The following C12orf76 variants were observed in gnomAD, a reference collection of about 807,000 sequenced individuals.
The protein encoded by C12orf76 is chromosome 12 open reading frame 76.
C12orf76 carries 6 observed loss-of-function variants against 6.8 expected under a neutral mutation model. The observed-to-expected ratio is 0.88, with a 90% confidence interval of 0.48 to 1.73. C12orf76 has a LOEUF of 1.73. Among genes scored for constraint, C12orf76 ranks in the 40% most tolerant of loss-of-function variants. C12orf76 has a pLI of 0.01. For missense variants in C12orf76, 99 were observed against 98.2 expected, an observed-to-expected ratio of 1.01 and a Z score of -0.03; for synonymous variants, 56 against 43.7, an observed-to-expected ratio of 1.28 and a Z score of -1.11.
chr12:110,051,248 C>G (rs1180987380), upstream of C12orf76: 1 of 753,740 alleles, frequency 1.3e-6, no homozygotes, highest in South Asian at 1.4e-5. Flanking sequence ...ACTTCCGTTC[C>G]AATCCTAGCT....
At chr12:110,046,908 C>T (rs1018246980) in intron 1 of C12orf76, among the ~76,000 whole-genome samples, 2 of 152,112 alleles carry the variant, frequency 1.3e-5, no homozygotes, top group East Asian at 1.9e-4. Context: ...TCATAGCCCC[C>T]CCACTGCCCC....
At chr12:110,058,153 T>C (rs1892705821) in intron 3 of C12orf76, among the ~76,000 whole-genome samples, 2 of 150,774 alleles carry the variant, frequency 1.3e-5, no homozygotes, top group African/African-American at 2.4e-5. Flanking sequence ...CTTCTAGATA[T>C]CTCTTTATGT....
chr12:110,051,980 C>CTT (rs1321771453), upstream of C12orf76, among the ~76,000 whole-genome samples: 4 of 146,382 alleles, frequency 2.7e-5, no homozygotes, highest in African/African-American at 1.0e-4. Context: ...GCAAGCTCCG[C>CTT]CTCCTAGGTT....
chr12:110,059,841 G>A (rs974416701), intron 2 of C12orf76, among the ~76,000 whole-genome samples: 1 of 152,096 alleles, frequency 6.6e-6, no homozygotes, highest in Non-Finnish European at 1.5e-5. Context: ...TTTGAAGAGG[G>A]ACACAAGGCA....
intron 4 of C12orf76, chr12:110,057,158 C>A (rs368875688): frequency 6.8e-7 from 1 of 1,467,500 alleles, no homozygotes; most frequent in African/African-American, 1.4e-5. Context: ...AATCCACATG[C>A]TCTGAATATA....
chr12:110,042,140 CA>C lies in C12orf76; in HGVS notation c.*233del, dbSNP rs973520889. ...TGGAGCTTTCAGGTCTTACTTTTAACAAGTACAGTCAGAAACACTGAGAAGC... is the reference window on the plus strand; with the variant it reads ...TGGAGCTTTCAGGTCTTACTTTTAACAGTACAGTCAGAAACACTGAGAAGC... On this transcript the variant is annotated 3_prime_UTR_variant, in exon 2 of 2. Coordinates refer to ENST00000615315, the MANE Select transcript of C12orf76 (RefSeq NM_001389625.1). The C allele has an allele frequency of 7.2e-6, 4 of 558,962 alleles. No individual in the cohort carries two copies. In the Admixed American group the frequency reaches 9.1e-5, roughly 13 times the overall value. The allele number at this position is 558,962 out of a possible 1,614,324, so 34.6% of individuals were successfully genotyped here.
At chr12:110,061,224 TG>T (rs1347233397) in intron 2 of C12orf76, among the ~76,000 whole-genome samples, 1 of 152,044 alleles carries the variant, frequency 6.6e-6, no homozygotes, top group African/African-American at 2.4e-5. Flanking sequence ...CACCCCAAAT[TG>T]GCTCTTTCTC....
At chr12:110,063,429 C>G (rs937763594) in intron 2 of C12orf76, among the ~76,000 whole-genome samples, 21 of 149,648 alleles carry the variant, frequency 1.4e-4, no homozygotes, top group Non-Finnish European at 2.7e-4. Flanking sequence ...ATTACAGGTG[C>G]CTACCACTAC....
At chr12:110,049,020 T>C (rs1049165534), upstream of C12orf76, 1 of 152,390 alleles carries the variant, frequency 6.6e-6, no homozygotes, top group Non-Finnish European at 1.5e-5. Context: ...CCATTCACTT[T>C]AGACTCATCA....
upstream of C12orf76, among the ~76,000 whole-genome samples, chr12:110,067,986 C>T (rs1014981638): frequency 6.6e-6 from 1 of 151,836 alleles, no homozygotes; most frequent in Non-Finnish European, 1.5e-5. Context: ...CTGAGGCAGG[C>T]GGATCACCTG....
intron 2 of C12orf76, among the ~76,000 whole-genome samples, chr12:110,061,018 A>T (rs564550511): frequency 3.8e-4 from 56 of 148,920 alleles, no homozygotes; most frequent in African/African-American, 1.4e-3. Context: ...CCCTTAGCTC[A>T]TTGCAATAGA....
chr12:110,048,582 C>T (rs749634780), upstream of C12orf76: 1 of 1,337,244 alleles, frequency 7.5e-7, no homozygotes, highest in Non-Finnish European at 9.6e-7. Context: ...GTCGCTGCCA[C>T]CGCCCTTAGG....
chr12:110,063,863 C>T (rs527290572), intron 2 of C12orf76, among the ~76,000 whole-genome samples: 56 of 152,032 alleles, frequency 3.7e-4, no homozygotes, highest in Admixed American at 1.6e-3. Flanking sequence ...GCCAAGATCA[C>T]GCCACTGCAG....
intron 1 of C12orf76, among the ~76,000 whole-genome samples, chr12:110,046,232 C>T (rs60968289): frequency 0.11 from 17,174 of 152,088 alleles, 2,189 homozygotes; most frequent in African/African-American, 0.32. Context: ...TCGAGACCAT[C>T]CTGGCCAACA....
At chr12:110,070,580 A>G (rs1892950076), upstream of C12orf76, among the ~76,000 whole-genome samples, 1 of 152,108 alleles carries the variant, frequency 6.6e-6, no homozygotes, top group African/African-American at 2.4e-5. Context: ...TTAGAGAAAA[A>G]AGTAAGAAAG....
At chr12:110,066,078 C>T (rs1398449862) in intron 1 of C12orf76, 6 of 1,464,936 alleles carry the variant, frequency 4.1e-6, no homozygotes, top group Non-Finnish European at 5.4e-6. Context: ...CCTCATGTTT[C>T]TATTTCCCCG....
intron 1 of C12orf76, among the ~76,000 whole-genome samples, chr12:110,046,802 C>T (rs768827763): frequency 6.6e-6 from 1 of 152,138 alleles, no homozygotes; most frequent in Non-Finnish European, 1.5e-5. Context: ...GGACATTTGG[C>T]AATGTCTGGA....
chr12:110,072,655 G>A (rs1033896382), upstream of C12orf76, among the ~76,000 whole-genome samples: 1 of 152,134 alleles, frequency 6.6e-6, no homozygotes, highest in African/African-American at 2.4e-5. Flanking sequence ...AGACACGGTG[G>A]CTCACGCCTA....
upstream of C12orf76, among the ~76,000 whole-genome samples, chr12:110,068,147 C>T (rs555687900): frequency 4.0e-5 from 6 of 151,130 alleles, no homozygotes; most frequent in South Asian, 2.1e-4. Context: ...GAGGTTGTGG[C>T]GAGCCAAGAT....
Sources: gnomAD v4.1 joint callset for allele counts (sites outside exome capture counted in the v4.1 genomes callset) on GRCh38, gnomAD v4.1.1 for gene constraint, MANE v1.5 for transcripts, NCBI Gene and HGNC (gene_info 2026-07-23, HGNC 2026-07-21) for gene names.